MAPK10: variants seen among roughly 807,000 people sequenced by gnomAD.
The protein encoded by MAPK10 is JNK3 alpha protein kinase.
Under a neutral mutation model 59.3 loss-of-function variants are expected in MAPK10, and 25 were observed. The ratio of observed to expected loss-of-function variants is 0.42; its 90% CI spans 0.31 to 0.59. The LOEUF (loss-of-function observed/expected upper bound fraction) is 0.59. Among genes scored for constraint, MAPK10 ranks in the 20% least tolerant of loss-of-function variants. The probability of loss-of-function intolerance (pLI) is 0.15; values close to 1 mark genes in which losing one functional copy is unlikely to be tolerated. For missense variants in MAPK10, 351 were observed against 568.9 expected (o/e 0.62, Z 3.90); for synonymous variants, 190 against 200.5 (o/e 0.95, Z 0.44).
At chr4:86,444,107 A>G (rs1749737842) in intron 1 of MAPK10, among the ~76,000 whole-genome samples, 1 of 152,162 alleles carries the variant, frequency 6.6e-6, no homozygotes, top group African/African-American at 2.4e-5. Flanking sequence ...AAGGTGTAAT[A>G]TATGCATAAT....
intron 1 of MAPK10, among the ~76,000 whole-genome samples, chr4:86,452,220 G>A (rs751308133): frequency 6.6e-6 from 1 of 152,204 alleles, no homozygotes; most frequent in Non-Finnish European, 1.5e-5. Context: ...CCAAACAACA[G>A]AGAACAGGCT....
intron 1 of MAPK10, among the ~76,000 whole-genome samples, chr4:86,565,128 T>C (rs2149105935): frequency 6.6e-6 from 1 of 152,240 alleles, no homozygotes; most frequent in African/African-American, 2.4e-5. Context: ...GGAAGATGAG[T>C]CCGCCTCCTA....
intron 1 of MAPK10, among the ~76,000 whole-genome samples, chr4:86,431,114 A>C (rs1358510929): frequency 6.6e-6 from 1 of 152,136 alleles, no homozygotes; most frequent in Admixed American, 6.5e-5. Context: ...GAAAAGAGAA[A>C]GAAAAGAAAA....
chr4:86,035,137 G>A (rs574193003), intron 11 of MAPK10, among the ~76,000 whole-genome samples: 8 of 152,084 alleles, frequency 5.3e-5, no homozygotes, highest in Admixed American at 2.6e-4. Flanking sequence ...CTGGGAGGCC[G>A]AGGTGGGTGG....
At chr4:86,224,060 C>T (rs910544196) in intron 2 of MAPK10, among the ~76,000 whole-genome samples, 2 of 135,848 alleles carry the variant, frequency 1.5e-5, no homozygotes. Context: ...GCTTAGTTGC[C>T]GTTCTTTATG....
chr4:86,174,619 T>G (rs2075252695), intron 3 of MAPK10, among the ~76,000 whole-genome samples: 1 of 152,152 alleles, frequency 6.6e-6, no homozygotes, highest in Non-Finnish European at 1.5e-5. Context: ...AATTAAATTT[T>G]TTTAAAAAGG....
chr4:86,547,415 G>C (rs569556970), intron 1 of MAPK10, among the ~76,000 whole-genome samples: 3 of 152,346 alleles, frequency 2.0e-5, no homozygotes, highest in Admixed American at 6.5e-5. Flanking sequence ...CCCACCGCCC[G>C]GGGCAGTGAG....
At chr4:86,507,615 G>GATAGAT (rs1755839060) in intron 1 of MAPK10, among the ~76,000 whole-genome samples, 1 of 35,648 alleles carries the variant, frequency 2.8e-5, no homozygotes, top group African/African-American at 1.1e-4. Flanking sequence ...ATAAACTGGA[G>GATAGAT]ATATATATAT....
At chr4:86,391,719 T>C (rs1328963840) in intron 1 of MAPK10, among the ~76,000 whole-genome samples, 1 of 152,150 alleles carries the variant, frequency 6.6e-6, no homozygotes, top group Non-Finnish European at 1.5e-5. Flanking sequence ...AAGACAGATA[T>C]CACTTGTTAG....
At chr4:86,587,855 A>G (rs1346984789) in intron 1 of MAPK10, among the ~76,000 whole-genome samples, 1 of 152,166 alleles carries the variant, frequency 6.6e-6, no homozygotes, top group Non-Finnish European at 1.5e-5. Flanking sequence ...GAATTTGTCA[A>G]AAAATTATGG....
chr4:86,035,508 G>A (rs1405895876), intron 11 of MAPK10, among the ~76,000 whole-genome samples: 1 of 151,320 alleles, frequency 6.6e-6, no homozygotes, highest in Non-Finnish European at 1.5e-5. Context: ...ACTGTAAGCA[G>A]AGAGAAGAGG....
At chr4:86,227,971 A>C (rs2090939079) in intron 2 of MAPK10, among the ~76,000 whole-genome samples, 1 of 152,218 alleles carries the variant, frequency 6.6e-6, no homozygotes, top group South Asian at 2.1e-4. Context: ...CACACCATGC[A>C]GGGCCATGTG....
At chr4:86,182,119 T>G (rs2077047996) in intron 3 of MAPK10, among the ~76,000 whole-genome samples, 1 of 152,094 alleles carries the variant, frequency 6.6e-6, no homozygotes, top group African/African-American at 2.4e-5. Context: ...AGATTATTCT[T>G]TTATTGTCCA....
chr4:86,273,993 G>A (rs1209780466), intron 2 of MAPK10, among the ~76,000 whole-genome samples: 2 of 151,804 alleles, frequency 1.3e-5, no homozygotes, highest in South Asian at 2.1e-4. Context: ...CACTTAAAAT[G>A]GATTTTATTG....
At chr4:86,417,789 G>C (rs559760771) in intron 1 of MAPK10, among the ~76,000 whole-genome samples, 1 of 152,284 alleles carries the variant, frequency 6.6e-6, no homozygotes, top group South Asian at 2.1e-4. Flanking sequence ...GGGTCTTACT[G>C]ACCTTTCCCA....
At chr4:86,551,331 G>A (rs1376864079) in intron 1 of MAPK10, among the ~76,000 whole-genome samples, 2 of 152,064 alleles carry the variant, frequency 1.3e-5, no homozygotes, top group East Asian at 3.8e-4. Context: ...AATGAAACTA[G>A]GCAAAATGAG....
chr4:86,263,547 C>T (rs987846220), intron 2 of MAPK10, among the ~76,000 whole-genome samples: 1 of 151,466 alleles, frequency 6.6e-6, no homozygotes, highest in Middle Eastern at 3.4e-3. Flanking sequence ...ACTGTCCCTC[C>T]CTTATAGCCA....
intron 2 of MAPK10, among the ~76,000 whole-genome samples, chr4:86,232,921 T>TTGC (rs528680581): frequency 0.088 from 12,750 of 145,300 alleles, 1,166 homozygotes; most frequent in African/African-American, 0.25. Context: ...TGGAGGTATG[T>TTGC]CATGGTCTGT....
intron 4 of MAPK10, chr4:86,124,087 T>C (rs1000836790): frequency 5.9e-5 from 9 of 151,954 alleles, no homozygotes; most frequent in African/African-American, 1.7e-4. Flanking sequence ...AATGTTGACA[T>C]TGAAGATAGG....
Sources: allele counts gnomAD v4.1 joint callset (sites outside exome capture counted in the v4.1 genomes callset), GRCh38; gene constraint gnomAD v4.1.1; transcripts MANE v1.5; gene names NCBI Gene and HGNC (gene_info 2026-07-23, HGNC 2026-07-21).